The following IPMK variants were observed in gnomAD, a reference collection of about 807,000 sequenced individuals.
IPMK encodes the protein inositol polyphosphate multikinase, also known as inositol 1,3,4,6-tetrakisphosphate 5-kinase.
A neutral mutation model predicts 45.8 loss-of-function variants in IPMK; 17 were observed. That is an observed-to-expected ratio of 0.37 (90% CI 0.25 to 0.56). The LOEUF (loss-of-function observed/expected upper bound fraction) is 0.56, where lower values mean the gene tolerates loss of function less well. Among genes scored for constraint, IPMK ranks in the 20% least tolerant of loss-of-function variants. The probability of loss-of-function intolerance (pLI) is 0.79; values close to 1 mark genes in which losing one functional copy is unlikely to be tolerated. For synonymous variants in IPMK, 180 were observed against 184.3 expected, an observed-to-expected ratio of 0.98 and a Z score of 0.19; for missense variants, 399 against 498.0, an observed-to-expected ratio of 0.80 and a Z score of 1.89.
chr10:58,207,669 A>C (rs1838090781), intron 4 of IPMK, among the ~76,000 whole-genome samples: 1 of 152,016 alleles, frequency 6.6e-6, no homozygotes. Context: ...GTGTTATCTC[A>C]TTTCTTAGGT....
intron 1 of IPMK, among the ~76,000 whole-genome samples, chr10:58,257,708 AAAAGTG>A (rs1448283686): frequency 3.9e-5 from 6 of 152,156 alleles, no homozygotes; most frequent in African/African-American, 1.4e-4. Flanking sequence ...CAGATGAGTT[AAAAGTG>A]AAAGAATGGA....
Position 58,192,885 on chromosome 10 carries a change from T to C in IPMK, c.*3191A>G, listed in dbSNP as rs1188034591. 1.3e-5 allele frequency: 2 copies of C among 151,956 alleles called. No homozygotes were observed. The highest frequency in any genetic ancestry group is 2.9e-5 in the Non-Finnish European group (2 of 67,886). The allele number at this position is 151,956 out of a possible 1,614,324, so 9.4% of individuals were successfully genotyped here. A position where few individuals can be genotyped will look rare whatever the true frequency, so the allele number is the denominator to read the frequency against. ...GAAAGGGTAACTGAGGGTACAAACA[T>C]ATCAAATCAAGACTAAAGGCACTGG... is the stretch of plus-strand genomic sequence containing the variant. On this transcript the variant is annotated 3_prime_UTR_variant, in exon 6 of 6. Transcript: ENST00000373935.
chr10:58,198,446 CTA>C (rs1470534374), intron 5 of IPMK, among the ~76,000 whole-genome samples: 15 of 152,178 alleles, frequency 9.9e-5, no homozygotes, highest in Admixed American at 9.8e-4. Context: ...TCAGATATGA[CTA>C]AATTATTAGC....
At chr10:58,220,991 C>T (rs17613571) in intron 3 of IPMK, among the ~76,000 whole-genome samples, 2,246 of 152,260 alleles carry the variant, frequency 0.015, 28 homozygotes, top group Non-Finnish European at 0.024. Flanking sequence ...GGAGTCTATT[C>T]TTACCCTTCC....
chr10:58,223,609 A>G (rs1409709687), intron 3 of IPMK, among the ~76,000 whole-genome samples: 2 of 152,202 alleles, frequency 1.3e-5, no homozygotes, highest in African/African-American at 4.8e-5. Flanking sequence ...CTCATAAAAA[A>G]GGAGGAAAAG....
At chr10:58,252,156 T>C (rs1230211620) in intron 1 of IPMK, among the ~76,000 whole-genome samples, 1 of 152,230 alleles carries the variant, frequency 6.6e-6, no homozygotes, top group Non-Finnish European at 1.5e-5. Context: ...CAGTTTTTGG[T>C]TTGTGGTTAC....
At chr10:58,222,089 T>A (rs2132156324) in intron 3 of IPMK, among the ~76,000 whole-genome samples, 1 of 152,270 alleles carries the variant, frequency 6.6e-6, no homozygotes, top group South Asian at 2.1e-4. Context: ...TCTTGTTATG[T>A]TGCCCAGGCT....
intron 4 of IPMK, among the ~76,000 whole-genome samples, chr10:58,200,326 C>T (rs762223656): frequency 6.6e-6 from 1 of 152,062 alleles, no homozygotes; most frequent in Admixed American, 6.6e-5. Context: ...ACCATGTTGG[C>T]CAGGCTGGTC....
chr10:58,203,926 C>A (rs1838033587), intron 4 of IPMK, among the ~76,000 whole-genome samples: 1 of 152,212 alleles, frequency 6.6e-6, no homozygotes, highest in Non-Finnish European at 1.5e-5. Context: ...AAACCTTCAG[C>A]AGCCACCACC....
chr10:58,215,385 A>T (rs1382836544), intron 4 of IPMK, among the ~76,000 whole-genome samples: 12 of 143,958 alleles, frequency 8.3e-5, no homozygotes, highest in South Asian at 2.2e-4. Context: ...ACAATTACCT[A>T]TTTTTTTTTT....
At chr10:58,251,438 G>GA (rs1838878119) in intron 1 of IPMK, among the ~76,000 whole-genome samples, 2 of 151,530 alleles carry the variant, frequency 1.3e-5, no homozygotes, top group African/African-American at 4.9e-5. Flanking sequence ...ATGTGCTGTT[G>GA]AAAAAAATGT....
intron 1 of IPMK, among the ~76,000 whole-genome samples, chr10:58,264,794 C>A (rs936990241): frequency 1.3e-5 from 2 of 151,848 alleles, no homozygotes; most frequent in African/African-American, 4.8e-5. Flanking sequence ...ACCGTAAGTG[C>A]AAAAATATAG....
In IPMK at chr10:58,262,243, TA is replaced by T. The variant is rs1218815099; in HGVS notation, c.190+5178del. 2.0e-5 allele frequency among the ~76,000 whole-genome samples: 3 copies of T among 152,114 alleles called. 1 individual carries two copies. The highest frequency in any genetic ancestry group is 2.0e-4 in the Admixed American group (3 of 15,288). On this transcript the variant is annotated intron_variant, in intron 1 of 5. Coordinates refer to ENST00000373935, the MANE Select transcript of IPMK (RefSeq NM_152230.5). Reference sequence around the variant, plus strand: ...ATGTACCCCAGAACTTAAAGTATAATAAATAAATAAAAAAATCTCATCCTGA... The same window carrying T: ...ATGTACCCCAGAACTTAAAGTATAATAATAAATAAAAAAATCTCATCCTGA...
At chr10:58,218,330 C>G (rs1173014466) in intron 3 of IPMK, among the ~76,000 whole-genome samples, 1 of 152,140 alleles carries the variant, frequency 6.6e-6, no homozygotes, top group Non-Finnish European at 1.5e-5. Context: ...TTGGAATACA[C>G]CCAAGCTTCT....
At chr10:58,260,418 A>G (rs1839046325) in intron 1 of IPMK, among the ~76,000 whole-genome samples, 1 of 152,212 alleles carries the variant, frequency 6.6e-6, no homozygotes, top group Admixed American at 6.5e-5. Flanking sequence ...GAATTTTGTA[A>G]TTTTACTATG....
chr10:58,249,717 A>G (rs1271473910), intron 1 of IPMK, among the ~76,000 whole-genome samples: 1 of 152,108 alleles, frequency 6.6e-6, no homozygotes, highest in Non-Finnish European at 1.5e-5. Flanking sequence ...CCCCATTTGT[A>G]TGTCTGCTTT....
chr10:58,233,989 AC>A (rs1333894677), intron 2 of IPMK, among the ~76,000 whole-genome samples: 1 of 152,196 alleles, frequency 6.6e-6, no homozygotes, highest in East Asian at 1.9e-4. Flanking sequence ...AAATCAATGT[AC>A]AAAAATCACA....
chr10:58,223,935 G>C (rs368637877), intron 3 of IPMK, among the ~76,000 whole-genome samples: 4 of 151,552 alleles, frequency 2.6e-5, no homozygotes, highest in Admixed American at 6.6e-5. Context: ...GGCCTCATCA[G>C]CCATGCAGAA....
intron 5 of IPMK, 71 bp downstream of exon 5, chr10:58,199,169 A>C: frequency 2.2e-6 from 2 of 891,300 alleles, no homozygotes; most frequent in Non-Finnish European, 3.4e-6. Flanking sequence ...CCAAATGACA[A>C]CTAAAACTGA....
Sources: allele counts gnomAD v4.1 joint callset (sites outside exome capture counted in the v4.1 genomes callset), GRCh38; gene constraint gnomAD v4.1.1; transcripts MANE v1.5; gene names NCBI Gene and HGNC (gene_info 2026-07-23, HGNC 2026-07-21).